Variants in NCOA1 observed in about 807,000 individuals in gnomAD.
NCOA1 encodes the protein nuclear receptor coactivator 1, also known as Hin-2 protein.
Under a neutral mutation model 150.9 loss-of-function variants are expected in NCOA1, and 35 were observed. The observed-to-expected ratio is 0.23, with a 90% CI of 0.18 to 0.31. The LOEUF (loss-of-function observed/expected upper bound fraction) is 0.31. NCOA1 is among the 10% of genes least tolerant of loss of function. The pLI, the probability that NCOA1 is intolerant of heterozygous loss-of-function variation, is 1.00. For missense variants in NCOA1, 1,491 were observed against 1,749.3 expected (o/e 0.85, Z 2.63); for synonymous variants, 590 against 630.0 (o/e 0.94, Z 0.95).
chr2:24,606,893 A>G (rs1465095560), intron 3 of NCOA1, among the ~76,000 whole-genome samples: 8 of 152,200 alleles, frequency 5.3e-5, no homozygotes, highest in Admixed American at 5.2e-4. Context: ...GTCCCTTGCT[A>G]ATGGGATATG....
At chr2:24,666,323 A>T (rs1671426839) in intron 6 of NCOA1, among the ~76,000 whole-genome samples, 1 of 152,056 alleles carries the variant, frequency 6.6e-6, no homozygotes, top group African/African-American at 2.4e-5. Flanking sequence ...CTACTTTTTT[A>T]TTATTAAAAA....
intron 1 of NCOA1, among the ~76,000 whole-genome samples, chr2:24,507,442 T>TG (rs1663747473): frequency 6.6e-6 from 1 of 151,170 alleles, no homozygotes; most frequent in South Asian, 2.1e-4. Flanking sequence ...TGGGTTTTTT[T>TG]TTTTTTTTTT....
At chr2:24,561,601 T>A (rs1238497549) in intron 1 of NCOA1, among the ~76,000 whole-genome samples, 1 of 152,180 alleles carries the variant, frequency 6.6e-6, no homozygotes, top group Non-Finnish European at 1.5e-5. Context: ...AGGAAGGTTT[T>A]GGTTTTAGAA....
chr2:24,671,271 G>A (rs970874928), intron 6 of NCOA1, among the ~76,000 whole-genome samples: 1 of 152,104 alleles, frequency 6.6e-6, no homozygotes, highest in African/African-American at 2.4e-5. Flanking sequence ...AGTTGAAAAA[G>A]TTTGTACAAT....
At chr2:24,533,101 A>G (rs1388281139) in intron 1 of NCOA1, among the ~76,000 whole-genome samples, 1 of 152,132 alleles carries the variant, frequency 6.6e-6, no homozygotes, top group Non-Finnish European at 1.5e-5. Context: ...ATGTTCTCCC[A>G]TTTGTTTGTG....
chr2:24,703,295 A>G (rs937394861), intron 11 of NCOA1, among the ~76,000 whole-genome samples: 5 of 152,212 alleles, frequency 3.3e-5, no homozygotes, highest in Non-Finnish European at 7.3e-5. Context: ...CTTCATCTGA[A>G]CAATTAAGCA....
intron 3 of NCOA1, among the ~76,000 whole-genome samples, chr2:24,622,658 G>T (rs1669221756): frequency 6.6e-6 from 1 of 152,012 alleles, no homozygotes; most frequent in African/African-American, 2.4e-5. Context: ...TTAGTCTTTT[G>T]CCATTTTGAT....
At chr2:24,599,297 A>ACT (rs1350720222) in intron 3 of NCOA1, among the ~76,000 whole-genome samples, 1 of 152,246 alleles carries the variant, frequency 6.6e-6, no homozygotes, top group East Asian at 1.9e-4. Context: ...GACACAAAAT[A>ACT]TGGTATCTTC....
At chr2:24,550,274 G>A (rs769982091) in intron 1 of NCOA1, among the ~76,000 whole-genome samples, 22 of 152,072 alleles carry the variant, frequency 1.4e-4, no homozygotes, top group African/African-American at 1.9e-4. Context: ...CAGCACCCCC[G>A]ACTCCCAGAA....
At chr2:24,629,564 A>C (rs1326502834) in intron 3 of NCOA1, among the ~76,000 whole-genome samples, 2 of 150,364 alleles carry the variant, frequency 1.3e-5, no homozygotes, top group Non-Finnish European at 3.0e-5. Context: ...ATTTAAAAAC[A>C]AAAAAAGGTA....
At chr2:24,597,098 A>T (rs1216250723) in intron 3 of NCOA1, among the ~76,000 whole-genome samples, 1 of 152,170 alleles carries the variant, frequency 6.6e-6, no homozygotes, top group Non-Finnish European at 1.5e-5. Flanking sequence ...TCCAAGGGTC[A>T]ATATGTGATC....
At chr2:24,757,160 A>G (rs948537923) in intron 20 of NCOA1, among the ~76,000 whole-genome samples, 3 of 152,196 alleles carry the variant, frequency 2.0e-5, no homozygotes, top group Non-Finnish European at 4.4e-5. Flanking sequence ...AGTATGCATG[A>G]ATAGTTAAAG....
intron 5 of NCOA1, among the ~76,000 whole-genome samples, chr2:24,659,807 A>G (rs775806292): frequency 3.9e-4 from 60 of 152,142 alleles, no homozygotes; most frequent in Non-Finnish European, 7.9e-4. Flanking sequence ...CCCTGCTTCT[A>G]CACACCAAAT....
chr2:24,735,031 T>A (rs1178308743), intron 17 of NCOA1, among the ~76,000 whole-genome samples: 1 of 152,004 alleles, frequency 6.6e-6, no homozygotes. Flanking sequence ...GAGGAAAAAA[T>A]TAAATTTGAT....
chr2:24,515,018 G>A (rs544250891), intron 1 of NCOA1, among the ~76,000 whole-genome samples: 1 of 152,248 alleles, frequency 6.6e-6, no homozygotes, highest in South Asian at 2.1e-4. Flanking sequence ...TTATCAATCT[G>A]TGACCTTTGC....
rs1227462644 is a variant in NCOA1, at chr2:24,665,036, T to C, written c.90-713T>C. 2.6e-5 allele frequency among the ~76,000 whole-genome samples: 4 copies of C among 152,228 alleles called. No individual in the cohort carries two copies. In the East Asian group the frequency reaches 7.7e-4, roughly 29 times the overall value. On this transcript the variant is annotated intron_variant, in intron 5 of 22. Transcript: ENST00000348332. ...TCATAGTCATTCAGTACATTTGGTA[T>C]ATTTTTTTAAAAAGGTGCTACCTGT...
chr2:24,660,667 CA>C (rs998404760), intron 5 of NCOA1, among the ~76,000 whole-genome samples: 2 of 152,038 alleles, frequency 1.3e-5, no homozygotes, highest in Non-Finnish European at 2.9e-5. Context: ...TATTTTTCTA[CA>C]AATACATTCC....
At chr2:24,523,347 C>T (rs1027333689) in intron 1 of NCOA1, among the ~76,000 whole-genome samples, 3 of 151,874 alleles carry the variant, frequency 2.0e-5, no homozygotes, top group Admixed American at 6.6e-5. Flanking sequence ...TGGCTCACGC[C>T]TGTAATCCCA....
At chr2:24,612,680 T>C (rs1045203636) in intron 3 of NCOA1, among the ~76,000 whole-genome samples, 1 of 152,148 alleles carries the variant, frequency 6.6e-6, no homozygotes, top group Non-Finnish European at 1.5e-5. Flanking sequence ...GTCCAGTCTA[T>C]TGATAAAGCT....
Sources: allele counts gnomAD v4.1 joint callset (sites outside exome capture counted in the v4.1 genomes callset), GRCh38; gene constraint gnomAD v4.1.1; transcripts MANE v1.5; gene names NCBI Gene and HGNC (gene_info 2026-07-23, HGNC 2026-07-21).